Variants in NTM observed in about 807,000 individuals in gnomAD.
NTM encodes IgLON family member 2.
NTM carries 13 observed loss-of-function variants against 42.1 expected under a neutral mutation model. The observed-to-expected ratio is 0.31, with a 90% confidence interval of 0.20 to 0.49. The LOEUF is 0.49. NTM is among the 20% of genes least tolerant of loss of function. The pLI, the probability that NTM is intolerant of heterozygous loss-of-function variation, is 0.99. For missense variants in NTM, 373 were observed against 452.8 expected, an observed-to-expected ratio of 0.82 and a Z score of 1.60; for synonymous variants, 187 against 179.2, an observed-to-expected ratio of 1.04 and a Z score of -0.35.
In NTM at chr11:131,538,417, G is replaced by A. The variant is rs538652694; in HGVS notation, c.82+167529G>A. On this transcript the variant is annotated intron_variant, in intron 1 of 8. Transcript: ENST00000683400. ...CTTATTGCTGTGCTATGTGGGTTCT[G>A]TTTCTATTCAAGTCAAGAATCCTAC... is the stretch of plus-strand genomic sequence containing the variant. 5.3e-5 allele frequency: 8 copies of A among 152,346 alleles called. 1 individual carries two copies. The South Asian group carries it at 1.2e-3, about 24-fold the overall frequency. The allele number at this position is 152,346 out of a possible 1,614,324, so 9.4% of individuals were successfully genotyped here.
At chr11:131,746,264 G>A (rs1471932659) in intron 1 of NTM, among the ~76,000 whole-genome samples, 3 of 152,220 alleles carry the variant, frequency 2.0e-5, no homozygotes, top group African/African-American at 7.2e-5. Context: ...ATCAGGGACG[G>A]ACATCTTTCA....
chr11:132,039,487 G>C (rs574911707), intron 2 of NTM, among the ~76,000 whole-genome samples: 1 of 150,346 alleles, frequency 6.7e-6, no homozygotes, highest in African/African-American at 2.5e-5. Context: ...AAACTCTTAG[G>C]CTCAAGCGAT....
intron 1 of NTM, among the ~76,000 whole-genome samples, chr11:131,561,017 G>A (rs540936986): frequency 2.3e-4 from 35 of 152,296 alleles, no homozygotes; most frequent in South Asian, 2.1e-4. Flanking sequence ...CTGGACCTTC[G>A]TCTCTCAGAA....
intron 1 of NTM, among the ~76,000 whole-genome samples, chr11:131,900,045 A>C (rs2052909564): frequency 6.6e-6 from 1 of 152,260 alleles, no homozygotes; most frequent in South Asian, 2.1e-4. Flanking sequence ...CAGAAATTAG[A>C]CCATTACATG....
Position 131,501,645 on chromosome 11 carries a change from C to T in NTM, c.82+130757C>T, listed in dbSNP as rs113163473. Among the ~76,000 whole-genome samples the T allele has an allele frequency of 5.6e-3, 859 of 152,256 alleles. 7 individuals are homozygous for T. Among genetic ancestry groups the T allele is most frequent in the African/African-American group, 0.019 (785 of 41,552 alleles). On this transcript the variant is annotated intron_variant, in intron 1 of 8. Coordinates refer to ENST00000683400, the MANE Select transcript of NTM (RefSeq NM_001352005.2). ...TATTTCTGCTAGTCCAAGTAAGAAACGATGGCAAAGGGGGCTGTTGCAGTG... is the reference window on the plus strand; with the variant it reads ...TATTTCTGCTAGTCCAAGTAAGAAATGATGGCAAAGGGGGCTGTTGCAGTG...
At chr11:132,150,286 C>T (rs1202197263) in intron 3 of NTM, among the ~76,000 whole-genome samples, 1 of 152,206 alleles carries the variant, frequency 6.6e-6, no homozygotes, top group Non-Finnish European at 1.5e-5. Flanking sequence ...GCTCCATCCC[C>T]ATGGCCAGAC....
At chr11:132,248,383 A>G (rs558329358) in intron 4 of NTM, among the ~76,000 whole-genome samples, 1 of 150,564 alleles carries the variant, frequency 6.6e-6, no homozygotes, top group African/African-American at 2.4e-5. Flanking sequence ...TGGCAGTGCT[A>G]TAGCCCTTGA....
At chr11:131,543,439 G>T (rs113829224) in intron 1 of NTM, among the ~76,000 whole-genome samples, 3 of 152,194 alleles carry the variant, frequency 2.0e-5, no homozygotes, top group Admixed American at 6.5e-5. Flanking sequence ...CCACAGAAGA[G>T]CAGGGTCTCT....
chr11:131,672,874 GC>G, intron 1 of NTM, among the ~76,000 whole-genome samples: 1 of 100,232 alleles, frequency 1.0e-5, no homozygotes, highest in African/African-American at 4.0e-5. Context: ...CGTGTTCCTT[GC>G]CTATTTCCCT....
chr11:131,610,056 A>G (rs959023739), intron 1 of NTM, among the ~76,000 whole-genome samples: 1 of 152,236 alleles, frequency 6.6e-6, no homozygotes, highest in Non-Finnish European at 1.5e-5. Flanking sequence ...AAAAATGCAA[A>G]GGCACAGATG....
At chr11:131,781,722 T>C (rs1023995118) in intron 1 of NTM, among the ~76,000 whole-genome samples, 1 of 152,202 alleles carries the variant, frequency 6.6e-6, no homozygotes, top group African/African-American at 2.4e-5. Context: ...TTTTCAGATA[T>C]TGGATGACAG....
At position 131,370,788 on chromosome 11, in the gene NTM, A is replaced by G; in HGVS notation, c.-19A>G. On this transcript the variant is annotated 5_prime_UTR_variant, in exon 1 of 9. Coordinates refer to ENST00000683400, the MANE Select transcript of NTM (RefSeq NM_001352005.2). ...ACCGAACCTGACAAAAAAGAAGAAA[A>G]AGAAGAAGAAAAAAAATCATGAAAA... is the stretch of plus-strand genomic sequence containing the variant. 1.2e-6 allele frequency: 2 copies of G among 1,605,918 alleles called. No individual in the cohort carries two copies. Among genetic ancestry groups the G allele is most frequent in the South Asian group, 1.1e-5 (1 of 89,874 alleles).
intron 1 of NTM, among the ~76,000 whole-genome samples, chr11:131,584,960 C>T (rs979389297): frequency 1.3e-5 from 2 of 151,376 alleles, no homozygotes; most frequent in Admixed American, 6.6e-5. Flanking sequence ...CTCTATCAGG[C>T]CATTGAAGAA....
At chr11:131,817,157 A>G (rs1271438640) in intron 1 of NTM, among the ~76,000 whole-genome samples, 1 of 152,244 alleles carries the variant, frequency 6.6e-6, no homozygotes, top group East Asian at 1.9e-4. Context: ...TGGTCTCTCC[A>G]TGATTACTCA....
At chr11:132,236,468 TG>T (rs1446301349) in intron 4 of NTM, among the ~76,000 whole-genome samples, 1 of 152,146 alleles carries the variant, frequency 6.6e-6, no homozygotes, top group Non-Finnish European at 1.5e-5. Flanking sequence ...AATTGTAACT[TG>T]GGAGGAATAT....
chr11:131,562,325 A>T (rs563874726), intron 1 of NTM, among the ~76,000 whole-genome samples: 1 of 152,320 alleles, frequency 6.6e-6, no homozygotes, highest in South Asian at 2.1e-4. Context: ...GTTGTGAAGG[A>T]GAGAGAGGAA....
At chr11:132,180,730 T>C (rs1029416963) in intron 3 of NTM, among the ~76,000 whole-genome samples, 2 of 152,130 alleles carry the variant, frequency 1.3e-5, no homozygotes, top group African/African-American at 4.8e-5. Flanking sequence ...ATAAGTCTAA[T>C]ATGATTACCA....
At chr11:131,682,916 C>G (rs532988745) in intron 1 of NTM, among the ~76,000 whole-genome samples, 2 of 152,290 alleles carry the variant, frequency 1.3e-5, no homozygotes, top group South Asian at 4.1e-4. Context: ...CCAGCCGGGA[C>G]TGAGATGTGA....
intron 1 of NTM, among the ~76,000 whole-genome samples, chr11:131,423,871 C>T (rs941699929): frequency 1.3e-5 from 2 of 152,120 alleles, no homozygotes; most frequent in Non-Finnish European, 2.9e-5. Context: ...TCCAGTTCCT[C>T]CAGTGACATC....
Sources: gnomAD v4.1 joint callset for allele counts (sites outside exome capture counted in the v4.1 genomes callset) on GRCh38, gnomAD v4.1.1 for gene constraint, MANE v1.5 for transcripts, NCBI Gene and HGNC (gene_info 2026-07-23, HGNC 2026-07-21) for gene names.